The following RSU1 variants were observed in gnomAD, a reference collection of about 807,000 sequenced individuals.
The protein encoded by RSU1 is Ras suppressor protein 1, also known as rsu-1.
RSU1 carries 26 observed loss-of-function variants against 31.1 expected under a neutral mutation model. The observed-to-expected ratio is 0.84, with a 90% CI of 0.61 to 1.16. The LOEUF is 1.16. Ranked by LOEUF, RSU1 falls within the 50% of genes most tolerant of loss-of-function variation. The pLI, the probability that RSU1 is intolerant of heterozygous loss-of-function variation, is 0.00. For missense variants in RSU1, 320 were observed against 339.1 expected (o/e 0.94, Z 0.44); for synonymous variants, 164 against 136.3 (o/e 1.20, Z -1.41).
intron 8 of RSU1, among the ~76,000 whole-genome samples, chr10:16,660,804 G>A (rs1047605444): frequency 9.2e-5 from 14 of 151,548 alleles, no homozygotes; most frequent in African/African-American, 2.7e-4. Context: ...GTACCACTAC[G>A]CCCAGCTAAT....
At chr10:16,688,961 T>C (rs1345766897) in intron 8 of RSU1, among the ~76,000 whole-genome samples, 1 of 147,592 alleles carries the variant, frequency 6.8e-6, no homozygotes, top group East Asian at 1.9e-4. Context: ...TGAGCTATCA[T>C]GGTGCCCCTG....
intron 7 of RSU1, among the ~76,000 whole-genome samples, chr10:16,727,335 C>T (rs1470771430): frequency 6.6e-6 from 1 of 152,166 alleles, no homozygotes; most frequent in Non-Finnish European, 1.5e-5. Flanking sequence ...ACTTAAAAAA[C>T]ATGCTACCTT....
intron 3 of RSU1, among the ~76,000 whole-genome samples, chr10:16,766,712 T>C (rs1251984647): frequency 2.7e-5 from 4 of 150,736 alleles, no homozygotes; most frequent in Non-Finnish European, 4.4e-5. Flanking sequence ...TACAACTCTA[T>C]CTCGAGAAGA....
chr10:16,653,921 A>G (rs549466702), intron 8 of RSU1, among the ~76,000 whole-genome samples: 1 of 152,224 alleles, frequency 6.6e-6, no homozygotes, highest in South Asian at 2.1e-4. Flanking sequence ...ACACAAGTAA[A>G]GGCTCTACAT....
intron 8 of RSU1, among the ~76,000 whole-genome samples, chr10:16,599,100 G>C (rs906598379): frequency 6.6e-6 from 1 of 152,200 alleles, no homozygotes; most frequent in African/African-American, 2.4e-5. Flanking sequence ...CTCGTGGCTT[G>C]TGTTTTGCAT....
intron 4 of RSU1, among the ~76,000 whole-genome samples, chr10:16,756,800 T>C (rs1837095344): frequency 1.3e-5 from 2 of 152,066 alleles, no homozygotes; most frequent in South Asian, 2.1e-4. Flanking sequence ...GGGTCAATTG[T>C]GTGTGAGTGT....
At chr10:16,714,324 C>T (rs1324137779) in intron 7 of RSU1, among the ~76,000 whole-genome samples, 3 of 152,182 alleles carry the variant, frequency 2.0e-5, no homozygotes, top group Non-Finnish European at 4.4e-5. Flanking sequence ...AGCTCTTGGG[C>T]TGGATGCCAG....
chr10:16,800,189 A>G lies in RSU1; in HGVS notation c.109+16784T>C, dbSNP rs1054733854. 6.6e-5 allele frequency among the ~76,000 whole-genome samples: 10 copies of G among 152,326 alleles called. No individual in the cohort carries two copies. In the East Asian group the frequency reaches 1.5e-3, roughly 23 times the overall value. Reference sequence around the variant, plus strand: ...ACCCAATGCATCATGTCTGGCTTACAACAAAATTACAAGGTACTCTAAAAA... The same window carrying G: ...ACCCAATGCATCATGTCTGGCTTACGACAAAATTACAAGGTACTCTAAAAA... On this transcript the variant is annotated intron_variant, in intron 2 of 8. Coordinates refer to ENST00000345264, the MANE Select transcript of RSU1 (RefSeq NM_012425.4).
chr10:16,592,810 A>C lies in RSU1; in HGVS notation c.*584T>G, dbSNP rs1833531486. 1 of 152,276 alleles carries C rather than the reference A, an allele frequency of 6.6e-6. No homozygotes were observed. The highest frequency in any genetic ancestry group is 2.4e-5 in the African/African-American group (1 of 41,472). The allele number at this position is 152,276 out of a possible 1,614,324, so 9.4% of individuals were successfully genotyped here. A position where few individuals can be genotyped will look rare whatever the true frequency, so the allele number is the denominator to read the frequency against. The stretch of plus-strand genomic sequence containing the variant: ...ATGAAAAGTTTATCATGTATAACCA[A>C]TAAAATTGGATAAGATGATTTTGGG... On this transcript the variant is annotated 3_prime_UTR_variant, in exon 9 of 9. Transcript: ENST00000345264.
chr10:16,725,329 G>A (rs1836366691), intron 7 of RSU1, among the ~76,000 whole-genome samples: 1 of 152,138 alleles, frequency 6.6e-6, no homozygotes, highest in Non-Finnish European at 1.5e-5. Flanking sequence ...AATGCCCAAA[G>A]ACAGTATCTA....
chr10:16,695,084 CT>C lies in RSU1; in HGVS notation c.669del (p.Asp224ThrfsTer99). Reference sequence around the variant, plus strand: ...TGGGACACGCCAAGCTGGAACTGGTCTGCAATGGGGGTCACCCAGGGATTGT... The same window carrying C: ...TGGGACACGCCAAGCTGGAACTGGTCGCAATGGGGGTCACCCAGGGATTGT... The part of the protein sequence containing the change: ...AENNPWVTPI[A>X]DQFQLGVSHV... On this transcript the variant is annotated frameshift_variant, in exon 8 of 9. Coordinates refer to ENST00000345264, the MANE Select transcript of RSU1 (RefSeq NM_012425.4). LOFTEE classifies it high-confidence loss of function. The C allele has an allele frequency of 1.9e-6, 3 of 1,611,202 alleles. No homozygotes were observed. The highest frequency in any genetic ancestry group is 2.5e-6 in the Non-Finnish European group (3 of 1,179,374).
chr10:16,670,958 G>T lies in RSU1; in HGVS notation c.731+24065C>A, dbSNP rs1835094761. ...TTTTTGTATTTTTAGTAGAGAAGGG[G>T]TTTCACCATGTTGGTAAGGCTGGTC... On this transcript the variant is annotated intron_variant, in intron 8 of 8. Coordinates refer to ENST00000345264, the MANE Select transcript of RSU1 (RefSeq NM_012425.4). Among the ~76,000 whole-genome samples the T allele has an allele frequency of 4.6e-5, 7 of 152,122 alleles. No individual in the cohort carries two copies. In the South Asian group the frequency reaches 1.0e-3, roughly 23 times the overall value.
intron 8 of RSU1, among the ~76,000 whole-genome samples, chr10:16,608,314 C>T (rs1833838597): frequency 6.6e-6 from 1 of 152,070 alleles, no homozygotes; most frequent in South Asian, 2.1e-4. Context: ...TCAAGATTAG[C>T]CTGGGAAACA....
intron 7 of RSU1, among the ~76,000 whole-genome samples, chr10:16,739,180 A>C (rs1836699783): frequency 6.6e-6 from 1 of 152,284 alleles, no homozygotes; most frequent in African/African-American, 2.4e-5. Flanking sequence ...ATACATGCAC[A>C]TGTATCTTCA....
intron 4 of RSU1, 31 bp from the exon 5 acceptor site, chr10:16,755,020 G>T: frequency 7.6e-7 from 1 of 1,320,830 alleles, no homozygotes; most frequent in Non-Finnish European, 1.1e-6. Context: ...TCTATGTCAT[G>T]ACACCAAAGA....
At chr10:16,753,725 C>G (rs1837026223) in intron 5 of RSU1, among the ~76,000 whole-genome samples, 1 of 152,128 alleles carries the variant, frequency 6.6e-6, no homozygotes, top group African/African-American at 2.4e-5. Flanking sequence ...ATCTGTTTAT[C>G]TTCAACCAAA....
chr10:16,696,752 G>C (rs1183915979), intron 7 of RSU1, among the ~76,000 whole-genome samples: 1 of 152,166 alleles, frequency 6.6e-6, no homozygotes, highest in Non-Finnish European at 1.5e-5. Context: ...GCTGCCTAGG[G>C]CGAATGAAAA....
At chr10:16,615,819 A>C (rs1833966040) in intron 8 of RSU1, among the ~76,000 whole-genome samples, 1 of 152,238 alleles carries the variant, frequency 6.6e-6, no homozygotes, top group South Asian at 2.1e-4. Context: ...AAGTTCTCTG[A>C]AACCAATGAG....
intron 8 of RSU1, among the ~76,000 whole-genome samples, chr10:16,673,204 G>A (rs928058587): frequency 2.6e-5 from 4 of 151,992 alleles, no homozygotes; most frequent in African/African-American, 9.7e-5. Context: ...TTCATCTCCG[G>A]TACCTGGTAG....
Sources: allele counts gnomAD v4.1 joint callset (sites outside exome capture counted in the v4.1 genomes callset), GRCh38; gene constraint gnomAD v4.1.1; transcripts MANE v1.5; gene names NCBI Gene and HGNC (gene_info 2026-07-23, HGNC 2026-07-21).